Variants in ZWILCH observed in about 807,000 individuals in gnomAD.
ZWILCH encodes the protein zwilch kinetochore protein.
ZWILCH carries 74 observed loss-of-function variants against 79.9 expected under a neutral mutation model. The observed-to-expected ratio is 0.93, with a 90% CI of 0.77 to 1.12. The LOEUF is 1.12. Ranked by LOEUF, ZWILCH falls within the 50% of genes most tolerant of loss-of-function variation. The pLI is 0.00. For synonymous variants in ZWILCH, 241 were observed against 228.2 expected (o/e 1.06, Z -0.51); for missense variants, 694 against 687.5 (o/e 1.01, Z -0.11).
Position 66,532,404 on chromosome 15 carries a change from G to GT in ZWILCH, c.1312+2dup. 6.3e-7 allele frequency: 1 copy of GT among 1,598,896 alleles called. No individual in the cohort carries two copies. The highest frequency in any genetic ancestry group is 1.1e-5 in the South Asian group (1 of 88,108). On this transcript the variant is annotated splice_donor_variant, in intron 13 of 18. Coordinates refer to ENST00000307897, the MANE Select transcript of ZWILCH (RefSeq NM_017975.5). LOFTEE classifies it high-confidence loss of function. ...AAAGATTATATCAGTTTTTTCATAGGTAAGTATCTTTCCTGGCTCAAAAAA... is the reference window on the plus strand; with the variant it reads ...AAAGATTATATCAGTTTTTTCATAGGTTAAGTATCTTTCCTGGCTCAAAAAA...
chr15:66,542,841 G>A (rs1895237220), intron 17 of ZWILCH, among the ~76,000 whole-genome samples: 1 of 152,024 alleles, frequency 6.6e-6, no homozygotes, highest in African/African-American at 2.4e-5. Context: ...AAATGTAAAA[G>A]AATAAACCAT....
At chr15:66,510,049 G>A (rs1197278070) in intron 2 of ZWILCH, among the ~76,000 whole-genome samples, 2 of 150,150 alleles carry the variant, frequency 1.3e-5, no homozygotes, top group Non-Finnish European at 3.0e-5. Context: ...ATGGTGGCGT[G>A]TGCCTGTAGT....
intron 10 of ZWILCH, 85 bp downstream of exon 10, chr15:66,527,997 G>C: frequency 4.4e-6 from 5 of 1,142,572 alleles, no homozygotes; most frequent in Non-Finnish European, 4.9e-6. Flanking sequence ...TTGTACCATC[G>C]CAAATGGATT....
intron 15 of ZWILCH, among the ~76,000 whole-genome samples, chr15:66,536,844 T>A (rs1316531301): frequency 6.6e-6 from 1 of 152,186 alleles, no homozygotes; most frequent in Non-Finnish European, 1.5e-5. Flanking sequence ...GCCTCTTTTT[T>A]TTGTATTGTT....
intron 1 of ZWILCH, among the ~76,000 whole-genome samples, chr15:66,506,882 G>C (rs183597540): frequency 1.2e-4 from 18 of 149,534 alleles, no homozygotes; most frequent in African/African-American, 4.4e-4. Context: ...TTTTGAGATG[G>C]AGTCTCGCTG....
At chr15:66,542,539 C>T (rs1229612121) in intron 17 of ZWILCH, among the ~76,000 whole-genome samples, 1 of 152,098 alleles carries the variant, frequency 6.6e-6, no homozygotes, top group Non-Finnish European at 1.5e-5. Flanking sequence ...GAGCCAAGAT[C>T]GCGCCACTGC....
chr15:66,512,197 T>C (rs1894093234), intron 2 of ZWILCH, among the ~76,000 whole-genome samples: 1 of 152,178 alleles, frequency 6.6e-6, no homozygotes, highest in African/African-American at 2.4e-5. Context: ...TATAAAACTA[T>C]TAGAATCCTG....
At chr15:66,533,705 G>A (rs1237686625) in intron 14 of ZWILCH, among the ~76,000 whole-genome samples, 1 of 148,634 alleles carries the variant, frequency 6.7e-6, no homozygotes, top group Non-Finnish European at 1.5e-5. Flanking sequence ...ACATGTTCTA[G>A]CAAAAACTAC....
chr15:66,546,138 A>T (rs1895363181), intron 17 of ZWILCH, among the ~76,000 whole-genome samples: 1 of 152,232 alleles, frequency 6.6e-6, no homozygotes, highest in South Asian at 2.1e-4. Context: ...AAGGAAGTGG[A>T]CATTATCCCA....
chr15:66,509,853 ATATATATATATATATATC>A (rs1409874640), intron 2 of ZWILCH, among the ~76,000 whole-genome samples: 100 of 95,820 alleles, frequency 1.0e-3, no homozygotes, highest in Admixed American at 7.2e-3. Flanking sequence ...ATATATATAT[ATATATATATATATATATC>A]TCTTAAAAAT....
At chr15:66,509,840 T>TGAATGAGAAGCTGTA (rs1555423518) in intron 2 of ZWILCH, among the ~76,000 whole-genome samples, 1 of 75,670 alleles carries the variant, frequency 1.3e-5, no homozygotes, top group Non-Finnish European at 2.6e-5. Flanking sequence ...TATATATATA[T>TGAATGAGAAGCTGTA]ATATATATAT....
chr15:66,542,325 C>T (rs1343424365), intron 17 of ZWILCH, among the ~76,000 whole-genome samples: 1 of 152,144 alleles, frequency 6.6e-6, no homozygotes, highest in East Asian at 1.9e-4. Context: ...GGGGCTCACA[C>T]CTGTAATCCC....
chr15:66,529,021 G>C, intron 11 of ZWILCH, 64 bp downstream of exon 11: 1 of 1,315,442 alleles, frequency 7.6e-7, no homozygotes, highest in Non-Finnish European at 1.1e-6. Flanking sequence ...AAGTCTTTTG[G>C]AAATAATACA....
intron 4 of ZWILCH, among the ~76,000 whole-genome samples, chr15:66,517,188 T>C (rs1179724394): frequency 6.6e-6 from 1 of 151,992 alleles, no homozygotes; most frequent in Non-Finnish European, 1.5e-5. Context: ...ATATCCTTAA[T>C]CCAGATTCAC....
chr15:66,541,567 G>C (rs1230653466), intron 17 of ZWILCH, among the ~76,000 whole-genome samples: 1 of 152,064 alleles, frequency 6.6e-6, no homozygotes, highest in Non-Finnish European at 1.5e-5. Flanking sequence ...GTTGAAATAA[G>C]GGTTGAGATT....
At position 66,533,026 on chromosome 15, in the gene ZWILCH, T is replaced by C; in HGVS notation, c.1341+13T>C. 6.4e-7 allele frequency: 1 copy of C among 1,570,768 alleles called. No individual in the cohort carries two copies. Among genetic ancestry groups the C allele is most frequent in the Non-Finnish European group, 8.7e-7 (1 of 1,153,218 alleles). On this transcript the variant is annotated intron_variant, in intron 14 of 18. Transcript: ENST00000307897. ...TTTGAATCATTTGGTGAGTTTATTT[T>C]TTTATTCTAAAATTGGTTTTTCTTT...
intron 2 of ZWILCH, among the ~76,000 whole-genome samples, chr15:66,510,836 G>C (rs571189125): frequency 1.3e-5 from 2 of 152,226 alleles, no homozygotes; most frequent in African/African-American, 2.4e-5. Context: ...CTGTAGACAC[G>C]TGGTATTCCC....
chr15:66,520,010 G>A (rs180882796), intron 5 of ZWILCH, among the ~76,000 whole-genome samples: 3 of 152,122 alleles, frequency 2.0e-5, no homozygotes, highest in Admixed American at 1.3e-4. Context: ...GGGTCCCACT[G>A]TATTGCCCAG....
chr15:66,529,083 C>G, intron 11 of ZWILCH, 126 bp downstream of exon 11: 1 of 690,730 alleles, frequency 1.4e-6, no homozygotes. Context: ...TTATCTAATT[C>G]ATTTCTAATG....
Sources: gnomAD v4.1 joint callset for allele counts (sites outside exome capture counted in the v4.1 genomes callset) on GRCh38, gnomAD v4.1.1 for gene constraint, MANE v1.5 for transcripts, NCBI Gene and HGNC (gene_info 2026-07-23, HGNC 2026-07-21) for gene names.